SNTB1: variants seen among roughly 807,000 people sequenced by gnomAD.
SNTB1 encodes beta-1-syntrophin.
Under a neutral mutation model 48.9 loss-of-function variants are expected in SNTB1, and 36 were observed. The observed-to-expected ratio is 0.74, with a 90% CI of 0.56 to 0.97. The LOEUF (loss-of-function observed/expected upper bound fraction) is 0.97. Ranked by LOEUF, SNTB1 falls within the 50% of genes least tolerant of loss-of-function variation. The pLI, the probability that SNTB1 is intolerant of heterozygous loss-of-function variation, is 0.00. For synonymous variants in SNTB1, 299 were observed against 294.6 expected (o/e 1.01, Z -0.15); for missense variants, 786 against 703.4 (o/e 1.12, Z -1.33).
chr8:120,576,761 G>A (rs575090177), intron 3 of SNTB1, among the ~76,000 whole-genome samples: 2 of 152,286 alleles, frequency 1.3e-5, no homozygotes, highest in African/African-American at 4.8e-5. Flanking sequence ...TTCTGGATCT[G>A]TAAAATGAGA....
intron 1 of SNTB1, among the ~76,000 whole-genome samples, chr8:120,805,493 G>C (rs1449585553): frequency 2.6e-5 from 4 of 152,014 alleles, no homozygotes; most frequent in Non-Finnish European, 5.9e-5. Context: ...AAATGGAATG[G>C]GACCAAAAGC....
chr8:120,609,173 A>G (rs1816575649), intron 3 of SNTB1, among the ~76,000 whole-genome samples: 1 of 152,226 alleles, frequency 6.6e-6, no homozygotes, highest in African/African-American at 2.4e-5. Flanking sequence ...GGAAAATAAA[A>G]CAAAGGAAAA....
intron 2 of SNTB1, among the ~76,000 whole-genome samples, chr8:120,633,835 C>T (rs1487219550): frequency 6.6e-6 from 1 of 152,054 alleles, no homozygotes; most frequent in East Asian, 1.9e-4. Flanking sequence ...TCTGGGATGC[C>T]CTTCACCAGT....
chr8:120,572,853 T>G lies in SNTB1; in HGVS notation c.1136+2233A>C, dbSNP rs567397393. Among the ~76,000 whole-genome samples, 120 of 152,284 alleles carry G rather than the reference T, an allele frequency of 7.9e-4. 1 individual carries two copies. Among genetic ancestry groups the G allele is most frequent in the African/African-American group, 2.6e-3 (110 of 41,554 alleles). ...TCACTTGAACCCGGGAGGCAGAGGTTGCAGTGCGCCAAGATAGCACCATTG... is the reference window on the plus strand; with the variant it reads ...TCACTTGAACCCGGGAGGCAGAGGTGGCAGTGCGCCAAGATAGCACCATTG... On this transcript the variant is annotated intron_variant, in intron 4 of 6. Coordinates refer to ENST00000517992, the MANE Select transcript of SNTB1 (RefSeq NM_021021.4).
At chr8:120,753,960 T>C (rs1819267023) in intron 1 of SNTB1, among the ~76,000 whole-genome samples, 1 of 152,176 alleles carries the variant, frequency 6.6e-6, no homozygotes. Context: ...CATAGATACA[T>C]TCATTCTAAT....
chr8:120,804,066 C>T (rs1820281905), intron 1 of SNTB1, among the ~76,000 whole-genome samples: 1 of 152,156 alleles, frequency 6.6e-6, no homozygotes, highest in Non-Finnish European at 1.5e-5. Context: ...CAAGGTATAG[C>T]TTTCATTATA....
chr8:120,655,092 A>C lies in SNTB1; in HGVS notation c.789-22441T>G, dbSNP rs1036025403. 4.4e-5 allele frequency: 16 copies of C among 367,012 alleles called. No individual in the cohort carries two copies. In the Middle Eastern group the frequency reaches 2.2e-3, roughly 50 times the overall value. 22.7% of individuals were successfully genotyped at this position (367,012 alleles called of 1,614,324 possible). A position where few individuals can be genotyped will look rare whatever the true frequency, so the allele number is the denominator to read the frequency against. On this transcript the variant is annotated intron_variant, in intron 2 of 6. Coordinates refer to ENST00000517992, the MANE Select transcript of SNTB1 (RefSeq NM_021021.4). ...TAACAGTGGTTAACTCTAGATCATG[A>C]CATTTTGGGGTGTTTTTATTTCCAC...
At chr8:120,718,488 G>A (rs757046020) in intron 1 of SNTB1, among the ~76,000 whole-genome samples, 14 of 152,248 alleles carry the variant, frequency 9.2e-5, no homozygotes, top group Non-Finnish European at 4.4e-5. Context: ...GGCAAAGAAG[G>A]TGGCCAAATA....
At chr8:120,582,268 C>T (rs1382940007) in intron 3 of SNTB1, among the ~76,000 whole-genome samples, 1 of 152,058 alleles carries the variant, frequency 6.6e-6, no homozygotes, top group Non-Finnish European at 1.5e-5. Context: ...TCAAAATCCT[C>T]AAGATGTTGC....
intron 2 of SNTB1, among the ~76,000 whole-genome samples, chr8:120,692,579 A>T (rs994080576): frequency 1.3e-5 from 2 of 152,076 alleles, no homozygotes; most frequent in African/African-American, 4.8e-5. Flanking sequence ...TCTTGGCTGC[A>T]TTCCTTATAA....
intron 1 of SNTB1, among the ~76,000 whole-genome samples, chr8:120,780,779 A>G (rs1819819108): frequency 1.3e-5 from 2 of 152,252 alleles, no homozygotes; most frequent in Admixed American, 6.5e-5. Context: ...ATAAAGCACC[A>G]TACCTGTTAA....
At chr8:120,692,412 C>G (rs1230304475) in intron 2 of SNTB1, among the ~76,000 whole-genome samples, 1 of 152,162 alleles carries the variant, frequency 6.6e-6, no homozygotes, top group Non-Finnish European at 1.5e-5. Flanking sequence ...ATTTTTAGCA[C>G]TTTAATGTGG....
At chr8:120,707,815 A>T (rs1818401477) in intron 1 of SNTB1, among the ~76,000 whole-genome samples, 1 of 152,334 alleles carries the variant, frequency 6.6e-6, no homozygotes, top group East Asian at 1.9e-4. Flanking sequence ...TACTTCAAGT[A>T]ACATGAAGAC....
chr8:120,761,208 T>G (rs1026143014), intron 1 of SNTB1: 1 of 152,158 alleles, frequency 6.6e-6, no homozygotes, highest in Non-Finnish European at 1.5e-5. Context: ...TGAAAAGAAC[T>G]GCAAGGCTCA....
chr8:120,639,026 A>G (rs187445286), intron 2 of SNTB1, among the ~76,000 whole-genome samples: 228 of 152,240 alleles, frequency 1.5e-3, no homozygotes, highest in African/African-American at 5.2e-3. Flanking sequence ...AAGTGTTCCT[A>G]TTTCTCCACA....
chr8:120,586,585 C>A lies in SNTB1; in HGVS notation c.997-11360G>T, dbSNP rs989960435. ...AGGACACTTGTGATGACACTGGGCCCATCTGGATGATCCGGGATCCTCTCT... is the reference window on the plus strand; with the variant it reads ...AGGACACTTGTGATGACACTGGGCCAATCTGGATGATCCGGGATCCTCTCT... On this transcript the variant is annotated intron_variant, in intron 3 of 6. Transcript: ENST00000517992. Among the ~76,000 whole-genome samples the A allele has an allele frequency of 3.4e-4, 52 of 152,274 alleles. 1 individual carries two copies. The highest frequency in any genetic ancestry group is 1.3e-4 in the Non-Finnish European group (9 of 68,034).
chr8:120,738,641 TC>T (rs1378052083), intron 1 of SNTB1, among the ~76,000 whole-genome samples: 1 of 151,162 alleles, frequency 6.6e-6, no homozygotes, highest in Non-Finnish European at 1.5e-5. Context: ...CCTAGCACTA[TC>T]TTCTACAGCT....
chr8:120,626,129 G>C (rs527502481), intron 3 of SNTB1, among the ~76,000 whole-genome samples: 1 of 152,058 alleles, frequency 6.6e-6, no homozygotes, highest in Non-Finnish European at 1.5e-5. Flanking sequence ...CCTAGAATTG[G>C]GGGGGATGAG....
chr8:120,710,028 C>T (rs1001899725), intron 1 of SNTB1, among the ~76,000 whole-genome samples: 2 of 152,108 alleles, frequency 1.3e-5, no homozygotes, highest in African/African-American at 4.8e-5. Context: ...GTATGTAACA[C>T]CCTAGAGCCA....
Sources: gnomAD v4.1 joint callset for allele counts (sites outside exome capture counted in the v4.1 genomes callset) on GRCh38, gnomAD v4.1.1 for gene constraint, MANE v1.5 for transcripts, NCBI Gene and HGNC (gene_info 2026-07-23, HGNC 2026-07-21) for gene names.